ERBB4: variants seen among roughly 807,000 people sequenced by gnomAD.
ERBB4 encodes the protein receptor tyrosine-protein kinase erbB-4.
Under a neutral mutation model 158.0 loss-of-function variants are expected in ERBB4, and 42 were observed. The ratio of observed to expected loss-of-function variants is 0.27; its 90% CI spans 0.21 to 0.34. The LOEUF (loss-of-function observed/expected upper bound fraction) is 0.34. Among genes scored for constraint, ERBB4 ranks in the 10% least tolerant of loss-of-function variants. The pLI is 1.00. For missense variants in ERBB4, 1,333 were observed against 1,624.1 expected (o/e 0.82, Z 3.08); for synonymous variants, 583 against 558.7 (o/e 1.04, Z -0.61).
intron 2 of ERBB4, among the ~76,000 whole-genome samples, chr2:212,006,974 T>C (rs1390564855): frequency 6.6e-6 from 1 of 152,018 alleles, no homozygotes; most frequent in Admixed American, 6.6e-5. Flanking sequence ...CTTTATTACC[T>C]AAAATAATAA....
At position 212,327,705 on chromosome 2, in the gene ERBB4, G is replaced by A. The variant is rs911690996; in HGVS notation, c.83-202802C>T. ...GAAAATAGTCTAAAACCCCTTTAAC[G>A]ATTCTTTTTTTTTTCTTTTTTTCTT... On this transcript the variant is annotated intron_variant, in intron 1 of 27. Transcript: ENST00000342788. Among the ~76,000 whole-genome samples the A allele has an allele frequency of 4.1e-5, 6 of 145,696 alleles. No homozygotes were observed. The South Asian group carries it at 1.1e-3, about 27-fold the overall frequency.
intron 9 of ERBB4, among the ~76,000 whole-genome samples, chr2:211,705,632 A>T (rs886065329): frequency 2.0e-5 from 3 of 152,186 alleles, no homozygotes; most frequent in Non-Finnish European, 2.9e-5. Context: ...AAGATTATTC[A>T]GCTTCAACTA....
chr2:211,812,425 G>A (rs1009583118), intron 3 of ERBB4, among the ~76,000 whole-genome samples: 1 of 152,130 alleles, frequency 6.6e-6, no homozygotes, highest in Admixed American at 6.5e-5. Context: ...CATCCCAGAG[G>A]GGCACCTGCC....
chr2:211,732,461 G>A (rs1288345957), intron 5 of ERBB4, among the ~76,000 whole-genome samples: 1 of 151,852 alleles, frequency 6.6e-6, no homozygotes, highest in Non-Finnish European at 1.5e-5. Flanking sequence ...AATAAAATAC[G>A]ACTAATTTTC....
At position 211,732,867 on chromosome 2, in the gene ERBB4, C is replaced by T. The variant is rs548519927; in HGVS notation, c.623-7673G>A. On this transcript the variant is annotated intron_variant, in intron 5 of 27. Transcript: ENST00000342788. ...TGGCGCGCACCTGTAATCCCAGCTA[C>T]TCAGGAGGCTGAGGCAGGAGAATCA... Among the ~76,000 whole-genome samples the T allele has an allele frequency of 1.4e-4, 21 of 152,316 alleles. No individual in the cohort carries two copies. The South Asian group carries it at 4.1e-3, about 30-fold the overall frequency.
At chr2:211,551,003 C>G (rs1254527394) in intron 20 of ERBB4, among the ~76,000 whole-genome samples, 1 of 151,468 alleles carries the variant, frequency 6.6e-6, no homozygotes, top group Non-Finnish European at 1.5e-5. Context: ...TGCAGTGGTG[C>G]AATCACACAG....
chr2:212,401,566 GA>G (rs2091204486), intron 1 of ERBB4, among the ~76,000 whole-genome samples: 1 of 151,964 alleles, frequency 6.6e-6, no homozygotes. Context: ...AGAAATGACT[GA>G]ACATACACCA....
intron 1 of ERBB4, among the ~76,000 whole-genome samples, chr2:212,328,247 C>T (rs1228217543): frequency 2.6e-5 from 4 of 152,000 alleles, no homozygotes; most frequent in Non-Finnish European, 5.9e-5. Flanking sequence ...TTCTGTGCAG[C>T]TTAGCATTGC....
chr2:211,751,963 T>C (rs997657003), intron 4 of ERBB4, among the ~76,000 whole-genome samples: 3 of 152,162 alleles, frequency 2.0e-5, no homozygotes, highest in African/African-American at 7.2e-5. Context: ...GGATCTTTGC[T>C]ACAACAGAGT....
At chr2:211,524,290 A>G (rs1574668045) in intron 20 of ERBB4, among the ~76,000 whole-genome samples, 1 of 152,194 alleles carries the variant, frequency 6.6e-6, no homozygotes, top group Non-Finnish European at 1.5e-5. Flanking sequence ...CCTCTCCACC[A>G]GACTCAGGAG....
Position 211,377,092 on chromosome 2 carries a change from C to T in ERBB4, c.*6523G>A. On this transcript the variant is annotated 3_prime_UTR_variant, in exon 28 of 28. Coordinates refer to ENST00000342788, the MANE Select transcript of ERBB4 (RefSeq NM_005235.3). ...TAATCCCAAAAGGGTTCTTGGAGTG[C>T]TATGGTTGTAGTCCCCTCACTCCCC... 4.3e-6 allele frequency: 1 copy of T among 232,936 alleles called. No individual in the cohort carries two copies. Among genetic ancestry groups the T allele is most frequent in the Non-Finnish European group, 8.5e-6 (1 of 117,610 alleles). 14.4% of individuals were successfully genotyped at this position (232,936 alleles called of 1,614,324 possible). A position where few individuals can be genotyped will look rare whatever the true frequency, so the allele number is the denominator to read the frequency against.
At chr2:211,498,207 A>G (rs2065522398) in intron 20 of ERBB4, among the ~76,000 whole-genome samples, 1 of 151,982 alleles carries the variant, frequency 6.6e-6, no homozygotes, top group Admixed American at 6.6e-5. Context: ...CAACCTAGGA[A>G]CTTCTATAAC....
intron 3 of ERBB4, among the ~76,000 whole-genome samples, chr2:211,920,490 G>A (rs1158022731): frequency 6.6e-6 from 1 of 151,818 alleles, no homozygotes; most frequent in Non-Finnish European, 1.5e-5. Flanking sequence ...CCAACATACA[G>A]CCAATTATTT....
intron 1 of ERBB4, among the ~76,000 whole-genome samples, chr2:212,275,857 G>T (rs1224288011): frequency 4.0e-5 from 6 of 151,764 alleles, no homozygotes; most frequent in Admixed American, 4.0e-4. Context: ...CGGGCTAAAT[G>T]CCCCAATTAA....
At chr2:211,852,636 CTT>C (rs10640429) in intron 3 of ERBB4, among the ~76,000 whole-genome samples, 8 of 138,802 alleles carry the variant, frequency 5.8e-5, no homozygotes, top group Admixed American at 7.1e-5. Flanking sequence ...CAATGGCCAA[CTT>C]TTTTTTTTTT....
At chr2:211,649,128 A>G (rs1347871686) in intron 16 of ERBB4, among the ~76,000 whole-genome samples, 1 of 151,890 alleles carries the variant, frequency 6.6e-6, no homozygotes, top group Non-Finnish European at 1.5e-5. Context: ...CCAGGATAAA[A>G]TACTCTGTGT....
intron 2 of ERBB4, among the ~76,000 whole-genome samples, chr2:211,971,280 T>C (rs984389981): frequency 9.2e-5 from 14 of 152,132 alleles, no homozygotes; most frequent in Non-Finnish European, 1.5e-4. Flanking sequence ...GTAGTTGATG[T>C]GGCCTTTCTC....
At chr2:211,548,261 A>G (rs1383085057) in intron 20 of ERBB4, among the ~76,000 whole-genome samples, 2 of 151,902 alleles carry the variant, frequency 1.3e-5, no homozygotes, top group Non-Finnish European at 2.9e-5. Context: ...GTGCTTTATC[A>G]CCGATTTGGG....
At chr2:211,416,973 C>T (rs578176725) in intron 25 of ERBB4, among the ~76,000 whole-genome samples, 2 of 152,240 alleles carry the variant, frequency 1.3e-5, no homozygotes, top group South Asian at 4.1e-4. Context: ...TTTATTTCCA[C>T]ACTATTGGAG....
Sources: gnomAD v4.1 joint callset for allele counts (sites outside exome capture counted in the v4.1 genomes callset) on GRCh38, gnomAD v4.1.1 for gene constraint, MANE v1.5 for transcripts, NCBI Gene and HGNC (gene_info 2026-07-23, HGNC 2026-07-21) for gene names.